Variants in CCDC71L observed in about 807,000 individuals in gnomAD.
CCDC71L encodes coiled-coil domain containing 71 like, also known as coiled-coil domain-containing protein 71L.
CCDC71L carries 6 observed loss-of-function variants against 10.2 expected under a neutral mutation model. The observed-to-expected ratio is 0.59, with a 90% CI of 0.32 to 1.16. The LOEUF (loss-of-function observed/expected upper bound fraction) is 1.16, where lower values mean the gene tolerates loss of function less well. CCDC71L is among the 50% of genes most tolerant of loss of function. CCDC71L has a pLI of 0.05. For synonymous variants in CCDC71L, 204 were observed against 175.5 expected (o/e 1.16, Z -1.28); for missense variants, 366 against 383.4 (o/e 0.95, Z 0.38).
rs1220305339 is a variant in CCDC71L at position 106,657,864 on chromosome 7, C to T, written c.*2325G>A. The T allele has an allele frequency of 6.6e-6, 1 of 152,084 alleles. No homozygotes were observed. 9.4% of individuals were successfully genotyped at this position (152,084 alleles called of 1,614,324 possible). A position where few individuals can be genotyped will look rare whatever the true frequency, so the allele number is the denominator to read the frequency against. ...GTTCAAGTATGCTAAAGTAACAAGG[C>T]ATAGGAGAGAAAAATGTCAAGAATC... is the stretch of plus-strand genomic sequence containing the variant. On this transcript the variant is annotated 3_prime_UTR_variant, in exon 1 of 1. Transcript: ENST00000523505.
rs1792591135 is a variant in CCDC71L, at chr7:106,661,025, C to T, written c.-129G>A. 8.0e-7 allele frequency: 1 copy of T among 1,250,410 alleles called. No individual in the cohort carries two copies. The highest frequency in any genetic ancestry group is 1.0e-6 in the Non-Finnish European group (1 of 983,726). The allele number at this position is 1,250,410 out of a possible 1,614,324, so 77.5% of individuals were successfully genotyped here. ...CTACTTTTCTCGCCTCCGCCGCCGC[C>T]CCTCCCCCTCCGAGGGCGGAGGACG... is the stretch of plus-strand genomic sequence containing the variant. On this transcript the variant is annotated 5_prime_UTR_variant, in exon 1 of 1. Coordinates refer to ENST00000523505, the MANE Select transcript of CCDC71L (RefSeq NM_175884.6).
rs929375449 is a variant in CCDC71L at position 106,655,978 on chromosome 7, A to G, written c.*4211T>C. On this transcript the variant is annotated 3_prime_UTR_variant, in exon 1 of 1. Transcript: ENST00000523505. ...CTCACTGTGCATACCTATAATTAAGAGCATTTATTTAGTACTTCCTATGTG... is the reference window on the plus strand; with the variant it reads ...CTCACTGTGCATACCTATAATTAAGGGCATTTATTTAGTACTTCCTATGTG... Among the ~76,000 whole-genome samples the G allele has an allele frequency of 6.6e-6, 1 of 152,170 alleles. No individual in the cohort carries two copies. The highest frequency in any genetic ancestry group is 2.4e-5 in the African/African-American group (1 of 41,444).
rs1792587986 is a variant in CCDC71L, at chr7:106,660,938, A to C, written c.-42T>G. The C allele has an allele frequency of 3.8e-6, 5 of 1,312,728 alleles. No individual in the cohort carries two copies. Among genetic ancestry groups the C allele is most frequent in the Non-Finnish European group, 4.8e-6 (5 of 1,032,770 alleles). 81.3% of individuals were successfully genotyped at this position (1,312,728 alleles called of 1,614,324 possible). A position where few individuals can be genotyped will look rare whatever the true frequency, so the allele number is the denominator to read the frequency against. On this transcript the variant is annotated 5_prime_UTR_variant, in exon 1 of 1. Transcript: ENST00000523505. The surrounding 1 kb of genome is among the most constrained non-coding windows in gnomAD (Gnocchi z 7.5). ...CCACTCACGCTCGCCGGGTCCCACTACTGCCGCCGCCGTCCCAGTCCGCGT... is the reference window on the plus strand; with the variant it reads ...CCACTCACGCTCGCCGGGTCCCACTCCTGCCGCCGCCGTCCCAGTCCGCGT...
At position 106,660,791 on chromosome 7, in the gene CCDC71L, G is replaced by A; in HGVS notation, c.106C>T (p.Arg36Trp). 1 of 1,547,878 alleles carries A rather than the reference G, an allele frequency of 6.5e-7. No individual in the cohort carries two copies. Among genetic ancestry groups the A allele is most frequent in the Non-Finnish European group, 8.7e-7 (1 of 1,145,686 alleles). Residue 36 changes from arginine to tryptophan, a missense_variant, in exon 1 of 1, where the codon CGG (arginine) becomes TGG (tryptophan). Coordinates refer to ENST00000523505, the MANE Select transcript of CCDC71L (RefSeq NM_175884.6). The surrounding 1 kb of genome is among the most constrained non-coding windows in gnomAD (Gnocchi z 7.5). The part of the protein sequence containing the change: ...RAEDGAGLEA[R>W]EEKVVYSRSQ... ...CGCGAGTACACCACCTTCTCCTCCC[G>A]CGCCTCCAACCCAGCCCCGTCTTCT...
chr7:106,660,721 G>A lies in CCDC71L; in HGVS notation c.176C>T (p.Ala59Val). The stretch of plus-strand genomic sequence containing the variant: ...GCTGCGGGGCATGAAGAGCTTGAAG[G>A]CGTCGCCCAGCGCCTTGGTGCTGTC... ...LADSTKALGD[A>V]FKLFMPRSTE... The change falls in exon 1 of 1, where the codon GCC (alanine) becomes GTC (valine). Residue 59 changes from alanine to valine, a missense_variant. Coordinates refer to ENST00000523505, the MANE Select transcript of CCDC71L (RefSeq NM_175884.6). The surrounding 1 kb of genome is among the most constrained non-coding windows in gnomAD (Gnocchi z 7.5). 6.3e-7 allele frequency: 1 copy of A among 1,575,996 alleles called. No homozygotes were observed. The highest frequency in any genetic ancestry group is 1.4e-5 in the African/African-American group (1 of 73,956).
At position 106,660,342 on chromosome 7, in the gene CCDC71L, G is replaced by A; in HGVS notation, c.555C>T (p.Thr185=). 1.4e-6 allele frequency: 2 copies of A among 1,477,748 alleles called. No homozygotes were observed. The highest frequency in any genetic ancestry group is 1.8e-6 in the Non-Finnish European group (2 of 1,122,738). The allele number at this position is 1,477,748 out of a possible 1,614,324, so 91.5% of individuals were successfully genotyped here. ...RTLEEIWRAA[T]PTLTTFPTIR... The stretch of plus-strand genomic sequence containing the variant: ...TGGTGGGGAAGGTGGTCAGCGTCGG[G>A]GTGGCCGCCCTCCAGATCTCCTCCA... The change falls in exon 1 of 1, where the codon ACC becomes ACT. Residue 185 remains threonine, a synonymous_variant. Transcript: ENST00000523505. This position sits in a 1 kb window ranked among gnomAD's most constrained non-coding sequence, Gnocchi z 7.5.
In CCDC71L at chr7:106,660,135, C is replaced by T. The variant is rs566642557; in HGVS notation, c.*54G>A. The T allele has an allele frequency of 4.4e-5, 64 of 1,449,328 alleles. No homozygotes were observed. The African/African-American group carries it at 7.6e-4, about 17-fold the overall frequency. The allele number at this position is 1,449,328 out of a possible 1,614,324, so 89.8% of individuals were successfully genotyped here. A position where few individuals can be genotyped will look rare whatever the true frequency, so the allele number is the denominator to read the frequency against. ...ACTGACACTTGTTCATTCCTCCGGG[C>T]GGAAGGCCTGTCCCAAGGTCGGGGC... On this transcript the variant is annotated 3_prime_UTR_variant, in exon 1 of 1. Coordinates refer to ENST00000523505, the MANE Select transcript of CCDC71L (RefSeq NM_175884.6). The surrounding 1 kb of genome is among the most constrained non-coding windows in gnomAD (Gnocchi z 7.5).
Position 106,660,342 on chromosome 7 carries a change from G to C in CCDC71L, c.555C>G (p.Thr185=). ...RTLEEIWRAA[T]PTLTTFPTIR... is the part of the protein sequence containing the mutation. ...TGGTGGGGAAGGTGGTCAGCGTCGG[G>C]GTGGCCGCCCTCCAGATCTCCTCCA... The change falls in exon 1 of 1, where the codon ACC becomes ACG. Residue 185 remains threonine, a synonymous_variant. Coordinates refer to ENST00000523505, the MANE Select transcript of CCDC71L (RefSeq NM_175884.6). The surrounding 1 kb of genome is among the most constrained non-coding windows in gnomAD (Gnocchi z 7.5). 1 of 1,477,748 alleles carries C rather than the reference G, an allele frequency of 6.8e-7. No individual in the cohort carries two copies. Among genetic ancestry groups the C allele is most frequent in the East Asian group, 2.8e-5 (1 of 35,456 alleles). 91.5% of individuals were successfully genotyped at this position (1,477,748 alleles called of 1,614,324 possible).
chr7:106,660,999 G>T lies in CCDC71L; in HGVS notation c.-103C>A. The T allele has an allele frequency of 7.8e-7, 1 of 1,284,488 alleles. No individual in the cohort carries two copies. Among genetic ancestry groups the T allele is most frequent in the Admixed American group, 4.2e-5 (1 of 23,598 alleles). The allele number at this position is 1,284,488 out of a possible 1,614,324, so 79.6% of individuals were successfully genotyped here. On this transcript the variant is annotated 5_prime_UTR_variant, in exon 1 of 1. Coordinates refer to ENST00000523505, the MANE Select transcript of CCDC71L (RefSeq NM_175884.6). This position sits in a 1 kb window ranked among gnomAD's most constrained non-coding sequence, Gnocchi z 7.5. ...GCGGCGGCTGCTGCTGGCGTCTCTCGCTACTTTTCTCGCCTCCGCCGCCGC... is the reference window on the plus strand; with the variant it reads ...GCGGCGGCTGCTGCTGGCGTCTCTCTCTACTTTTCTCGCCTCCGCCGCCGC...
At position 106,658,468 on chromosome 7, in the gene CCDC71L, C is replaced by T. The variant is rs1316997906; in HGVS notation, c.*1721G>A. ...GAAATACTCATTTCAGAAAGCTATG[C>T]CATTTGAATTCTAGGAACGCAAGAG... On this transcript the variant is annotated 3_prime_UTR_variant, in exon 1 of 1. Transcript: ENST00000523505. 1.3e-5 allele frequency: 2 copies of T among 152,098 alleles called. No individual in the cohort carries two copies. Among genetic ancestry groups the T allele is most frequent in the Non-Finnish European group, 2.9e-5 (2 of 68,020 alleles). The allele number at this position is 152,098 out of a possible 1,614,324, so 9.4% of individuals were successfully genotyped here.
At position 106,660,376 on chromosome 7, in the gene CCDC71L, C is replaced by A; in HGVS notation, c.521G>T (p.Gly174Val). Residue 174 changes from glycine (G) to valine (V), a missense_variant, in exon 1 of 1, where the codon GGC becomes GTC. By Grantham distance (109) the Gly-to-Val change is moderately radical. Coordinates refer to ENST00000523505, the MANE Select transcript of CCDC71L (RefSeq NM_175884.6). The surrounding 1 kb of genome is among the most constrained non-coding windows in gnomAD (Gnocchi z 7.5). ...CCTCCAGATCTCCTCCAAGGTGCGG[C>A]CCCCGAAGCAGGGCCCGGGGGCCAC... ...KPVAPGPCFG[G>V]RTLEEIWRAA... 1 of 1,363,374 alleles carries A rather than the reference C, an allele frequency of 7.3e-7. No homozygotes were observed. The highest frequency in any genetic ancestry group is 1.7e-5 in the South Asian group (1 of 59,904). The allele number at this position is 1,363,374 out of a possible 1,614,324, so 84.5% of individuals were successfully genotyped here.
chr7:106,655,333 T>G lies in CCDC71L; in HGVS notation c.*4856A>C, dbSNP rs1792473034. On this transcript the variant is annotated 3_prime_UTR_variant, in exon 1 of 1. Coordinates refer to ENST00000523505, the MANE Select transcript of CCDC71L (RefSeq NM_175884.6). Reference sequence around the variant, plus strand: ...TTAGAGGATGTTCTATTCTCTGTGCTATGAGGAATTAAACCTAAATTACAG... The same window carrying G: ...TTAGAGGATGTTCTATTCTCTGTGCGATGAGGAATTAAACCTAAATTACAG... Among the ~76,000 whole-genome samples the G allele has an allele frequency of 6.6e-6, 1 of 152,208 alleles. No homozygotes were observed. The highest frequency in any genetic ancestry group is 6.5e-5 in the Admixed American group (1 of 15,282).
rs979364428 is a variant in CCDC71L, at chr7:106,656,384, A to G, written c.*3805T>C. On this transcript the variant is annotated 3_prime_UTR_variant, in exon 1 of 1. Transcript: ENST00000523505. ...AACAGCCCATACCACTGGTACTCAA[A>G]TGGAGCACTCTTACTTCCTTTCATG... Among the ~76,000 whole-genome samples the G allele has an allele frequency of 6.6e-6, 1 of 152,112 alleles. No individual in the cohort carries two copies. The highest frequency in any genetic ancestry group is 1.9e-4 in the East Asian group (1 of 5,200).
rs1025023406 is a variant in CCDC71L, at chr7:106,659,394, G to C, written c.*795C>G. On this transcript the variant is annotated 3_prime_UTR_variant, in exon 1 of 1. Coordinates refer to ENST00000523505, the MANE Select transcript of CCDC71L (RefSeq NM_175884.6). ...ATGCATTTTTTTATTCAATTCAAAA[G>C]AATTTAACAAGTTAACTTTTCCTAA... 1.3e-5 allele frequency: 2 copies of C among 152,356 alleles called. No homozygotes were observed. The highest frequency in any genetic ancestry group is 4.8e-5 in the African/African-American group (2 of 41,322). 9.4% of individuals were successfully genotyped at this position (152,356 alleles called of 1,614,324 possible). A position where few individuals can be genotyped will look rare whatever the true frequency, so the allele number is the denominator to read the frequency against.
Position 106,661,015 on chromosome 7 carries a change from C to G in CCDC71L, c.-119G>C. The G allele has an allele frequency of 7.9e-7, 1 of 1,263,402 alleles. No individual in the cohort carries two copies. The allele number at this position is 1,263,402 out of a possible 1,614,324, so 78.3% of individuals were successfully genotyped here. ...GCGTCTCTCGCTACTTTTCTCGCCT[C>G]CGCCGCCGCCCCTCCCCCTCCGAGG... On this transcript the variant is annotated 5_prime_UTR_variant, in exon 1 of 1. Coordinates refer to ENST00000523505, the MANE Select transcript of CCDC71L (RefSeq NM_175884.6).
rs1271783340 is a variant in CCDC71L at position 106,658,615 on chromosome 7, A to G, written c.*1574T>C. 6.6e-6 allele frequency: 1 copy of G among 152,616 alleles called. No individual in the cohort carries two copies. The highest frequency in any genetic ancestry group is 1.5e-5 in the Non-Finnish European group (1 of 68,048). The allele number at this position is 152,616 out of a possible 1,614,324, so 9.5% of individuals were successfully genotyped here. A position where few individuals can be genotyped will look rare whatever the true frequency, so the allele number is the denominator to read the frequency against. Reference sequence around the variant, plus strand: ...GATCGTTTCATGGCAGAATACTTAAATTTGAAATAATAGTGGTACAAAAAC... The same window carrying G: ...GATCGTTTCATGGCAGAATACTTAAGTTTGAAATAATAGTGGTACAAAAAC... On this transcript the variant is annotated 3_prime_UTR_variant, in exon 1 of 1. Transcript: ENST00000523505.
At position 106,660,047 on chromosome 7, in the gene CCDC71L, G is replaced by C; in HGVS notation, c.*142C>G. On this transcript the variant is annotated 3_prime_UTR_variant, in exon 1 of 1. Transcript: ENST00000523505. This position sits in a 1 kb window ranked among gnomAD's most constrained non-coding sequence, Gnocchi z 7.5. ...GGCCCGGGACAGGGACAACCATCCG[G>C]CAACTTCTTCGCGCGTAAAGTGCAT... 1 of 1,172,812 alleles carries C rather than the reference G, an allele frequency of 8.5e-7. No individual in the cohort carries two copies. 72.7% of individuals were successfully genotyped at this position (1,172,812 alleles called of 1,614,324 possible). A position where few individuals can be genotyped will look rare whatever the true frequency, so the allele number is the denominator to read the frequency against.
At position 106,660,582 on chromosome 7, in the gene CCDC71L, C is replaced by A; in HGVS notation, c.315G>T (p.Arg105=). The change falls in exon 1 of 1, where the codon CGG becomes CGT. Residue 105 remains arginine (R), a synonymous_variant. Transcript: ENST00000523505. The surrounding 1 kb of genome is among the most constrained non-coding windows in gnomAD (Gnocchi z 7.5). ...GCCCCGGGGGGTCGGGTACCAGGGCCCGGCAGGAGGAGTAGCCGTAGACGT... is the reference window on the plus strand; with the variant it reads ...GCCCCGGGGGGTCGGGTACCAGGGCACGGCAGGAGGAGTAGCCGTAGACGT... ...SKDVYGYSSC[R]ALVPDPPGPP... is the part of the protein sequence containing the mutation. 1.3e-6 allele frequency: 2 copies of A among 1,558,642 alleles called. No homozygotes were observed. Among genetic ancestry groups the A allele is most frequent in the East Asian group, 2.5e-5 (1 of 40,202 alleles).
In CCDC71L at chr7:106,658,365, A is replaced by G. The variant is rs570907270; in HGVS notation, c.*1824T>C. 6.6e-6 allele frequency: 1 copy of G among 152,282 alleles called. No homozygotes were observed. The highest frequency in any genetic ancestry group is 2.4e-5 in the African/African-American group (1 of 41,566). 9.4% of individuals were successfully genotyped at this position (152,282 alleles called of 1,614,324 possible). On this transcript the variant is annotated 3_prime_UTR_variant, in exon 1 of 1. Coordinates refer to ENST00000523505, the MANE Select transcript of CCDC71L (RefSeq NM_175884.6). ...GGCATCAAGTTATATATATGTGTGTATATATATATCATATTATTTCTTTTA... is the reference window on the plus strand; with the variant it reads ...GGCATCAAGTTATATATATGTGTGTGTATATATATCATATTATTTCTTTTA...
Sources: allele counts gnomAD v4.1 joint callset (sites outside exome capture counted in the v4.1 genomes callset), GRCh38; gene constraint gnomAD v4.1.1; non-coding constraint Gnocchi (gnomAD v3.1); transcripts MANE v1.5; gene names NCBI Gene and HGNC (gene_info 2026-07-23, HGNC 2026-07-21).